IGSF10: variants seen among roughly 807,000 people sequenced by gnomAD.
IGSF10 encodes calvaria mechanical force protein 608.
A neutral mutation model predicts 128.2 loss-of-function variants in IGSF10; 126 were observed. That is an observed-to-expected ratio of 0.98 (90% confidence interval 0.85 to 1.14). The LOEUF is 1.14. Among genes scored for constraint, IGSF10 ranks in the 50% most tolerant of loss-of-function variants. IGSF10 has a pLI of 0.00. For synonymous variants in IGSF10, 1,185 were observed against 1,146.2 expected, an observed-to-expected ratio of 1.03 and a Z score of -0.68; for missense variants, 3,295 against 3,149.8, an observed-to-expected ratio of 1.05 and a Z score of -1.10.
At chr3:151,481,533 A>G in the IGSF10 span, among the ~76,000 whole-genome samples, 2 of 152,164 alleles carry the variant, frequency 1.3e-5, no homozygotes, top group Non-Finnish European at 2.9e-5. Flanking sequence ...AATCACAGCT[A>G]TATCTCAGGA....
the IGSF10 span, among the ~76,000 whole-genome samples, chr3:151,511,646 C>T: frequency 6.6e-6 from 1 of 152,130 alleles, no homozygotes; most frequent in African/African-American, 2.4e-5. Flanking sequence ...GGGCTAAATG[C>T]TCCAATTAAA....
the IGSF10 span, among the ~76,000 whole-genome samples, chr3:151,541,718 TC>T: frequency 6.6e-6 from 1 of 152,182 alleles, no homozygotes. Context: ...CATCATCTTT[TC>T]CTCCTTCTCT....
chr3:151,572,184 T>A, the IGSF10 span, among the ~76,000 whole-genome samples: 5 of 152,216 alleles, frequency 3.3e-5, no homozygotes, highest in Admixed American at 3.3e-4. Flanking sequence ...AAATACTCTT[T>A]TTTTGTTGTG....
At chr3:151,482,112 T>A in the IGSF10 span, among the ~76,000 whole-genome samples, 1 of 151,916 alleles carries the variant, frequency 6.6e-6, no homozygotes, top group Non-Finnish European at 1.5e-5. Flanking sequence ...GACATACGTA[T>A]CAATGCAAGG....
rs9843590 is a variant in IGSF10, at chr3:151,458,294, A to T, written c.194+222T>A. On this transcript the variant is annotated intron_variant, in intron 3 of 7. Coordinates refer to ENST00000282466, the MANE Select transcript of IGSF10 (RefSeq NM_178822.5). Reference sequence around the variant, plus strand: ...ACCGTCATGAGTCTCCCAACCTACCAAGAGGGACTTCAAATTCTAGAAGAA... The same window carrying T: ...ACCGTCATGAGTCTCCCAACCTACCTAGAGGGACTTCAAATTCTAGAAGAA... 0.7 allele frequency among the ~76,000 whole-genome samples: 106,522 copies of T among 151,992 alleles called. 37,451 individuals are homozygous for T. The highest frequency in any genetic ancestry group is 0.84 in the Middle Eastern group (248 of 294).
At chr3:151,516,074 T>G in the IGSF10 span, among the ~76,000 whole-genome samples, 1 of 152,012 alleles carries the variant, frequency 6.6e-6, no homozygotes, top group Non-Finnish European at 1.5e-5. Context: ...CTTCATAATC[T>G]AGAACTCAAA....
chr3:151,542,727 T>G, the IGSF10 span, among the ~76,000 whole-genome samples: 1 of 152,342 alleles, frequency 6.6e-6, no homozygotes, highest in Admixed American at 6.5e-5. Flanking sequence ...TTTGGGTTCT[T>G]AAAACTAACT....
At chr3:151,460,158 A>G (rs775979622) in intron 2 of IGSF10, 103 bp downstream of exon 2, 10 of 211,962 alleles carry the variant, frequency 4.7e-5, no homozygotes, top group East Asian at 1.8e-4. Context: ...CCCACGTTCA[A>G]ATTATTTAAA....
the IGSF10 span, among the ~76,000 whole-genome samples, chr3:151,566,878 G>A: frequency 2.0e-5 from 3 of 152,110 alleles, no homozygotes; most frequent in East Asian, 5.8e-4. Context: ...TGCCTGCCTG[G>A]CCTATCTACA....
chr3:151,588,551 C>G, the IGSF10 span, among the ~76,000 whole-genome samples: 1 of 152,122 alleles, frequency 6.6e-6, no homozygotes, highest in Non-Finnish European at 1.5e-5. Context: ...CAGGGGCATG[C>G]AGTTATGAGC....
chr3:151,462,826 G>C (rs775640467), upstream of IGSF10, among the ~76,000 whole-genome samples: 5 of 152,146 alleles, frequency 3.3e-5, no homozygotes, highest in African/African-American at 9.7e-5. Flanking sequence ...CTTTAGCTCT[G>C]CAGAGCTGAC....
At chr3:151,453,319 A>C (rs1398031392) in intron 5 of IGSF10, 65 bp downstream of exon 5, 3 of 1,316,892 alleles carry the variant, frequency 2.3e-6, no homozygotes, top group Admixed American at 2.4e-5. Flanking sequence ...TCCACTTCCT[A>C]ATATAATACC....
At chr3:151,553,712 A>G in the IGSF10 span, among the ~76,000 whole-genome samples, 2 of 151,666 alleles carry the variant, frequency 1.3e-5, no homozygotes, top group East Asian at 1.9e-4. Flanking sequence ...CAATACTAGC[A>G]TATTATAAAG....
At chr3:151,600,019 T>C in the IGSF10 span, among the ~76,000 whole-genome samples, 1 of 152,248 alleles carries the variant, frequency 6.6e-6, no homozygotes, top group African/African-American at 2.4e-5. Flanking sequence ...TTTTGCTATG[T>C]GGACAAAGTA....
rs1720248848 is a variant in IGSF10 at position 151,436,573 on chromosome 3, G to C, written c.*116C>G. On this transcript the variant is annotated 3_prime_UTR_variant, in exon 8 of 8. Transcript: ENST00000282466. ...AGTCCTTTTATTTTGCATGTTCATT[G>C]TAAATTTAATACTGTAAATGTATTC... The C allele has an allele frequency of 1.5e-6, 1 of 681,306 alleles. No individual in the cohort carries two copies. Among genetic ancestry groups the C allele is most frequent in the East Asian group, 2.7e-5 (1 of 37,374 alleles). 42.2% of individuals were successfully genotyped at this position (681,306 alleles called of 1,614,324 possible).
upstream of IGSF10, among the ~76,000 whole-genome samples, chr3:151,462,724 A>G (rs1168516274): frequency 6.6e-6 from 1 of 152,202 alleles, no homozygotes; most frequent in East Asian, 1.9e-4. Flanking sequence ...CATGTGATTT[A>G]TGGTTAGTAA....
chr3:151,447,756 C>T lies in IGSF10; in HGVS notation c.2225G>A (p.Arg742Lys), dbSNP rs754712078. The T allele has an allele frequency of 3.1e-6, 5 of 1,614,116 alleles. No homozygotes were observed. Among genetic ancestry groups the T allele is most frequent in the Non-Finnish European group, 4.2e-6 (5 of 1,180,012 alleles). The change falls in exon 6 of 8, where the codon AGG (arginine) becomes AAG (lysine). Residue 742 changes from arginine to lysine, a missense_variant. Transcript: ENST00000282466. ...STHRRFRENR[R>K]HFPPSARRID... ...TCTCCTAGCAGAGGGAGGGAAATGCCTCCTATTCTCCCTAAAACGTCGATG... is the reference window on the plus strand; with the variant it reads ...TCTCCTAGCAGAGGGAGGGAAATGCTTCCTATTCTCCCTAAAACGTCGATG...
chr3:151,444,932 G>C lies in IGSF10; in HGVS notation c.5049C>G (p.Thr1683=), dbSNP rs1391066606. The change falls in exon 6 of 8, where the codon ACC becomes ACG. Residue 1683 remains threonine (T), a synonymous_variant. Transcript: ENST00000282466. ...AGTTTCACATACCTGATGGGACTCT[G>C]GTCCAATGAATGGTGGGCAGGGGAT... ...VGNPLPTIHW[T]RVPSGLDLSK... The C allele has an allele frequency of 6.2e-6, 10 of 1,605,324 alleles. No individual in the cohort carries two copies. Among genetic ancestry groups the C allele is most frequent in the African/African-American group, 1.3e-5 (1 of 74,350 alleles).
downstream of IGSF10, chr3:151,435,152 C>T (rs544487978): frequency 6.8e-6 from 1 of 146,010 alleles, no homozygotes; most frequent in South Asian, 2.2e-4. Flanking sequence ...GAACCTGGTA[C>T]TTTACCTTAC....
Sources: allele counts gnomAD v4.1 joint callset (sites outside exome capture counted in the v4.1 genomes callset), GRCh38; gene constraint gnomAD v4.1.1; transcripts MANE v1.5; gene names NCBI Gene and HGNC (gene_info 2026-07-23, HGNC 2026-07-21).